The following LRRC2 variants were observed in gnomAD, a reference collection of about 807,000 sequenced individuals.
The protein encoded by LRRC2 is leucine rich repeat containing 2.
A neutral mutation model predicts 40.2 loss-of-function variants in LRRC2; 27 were observed. The observed-to-expected ratio is 0.67, with a 90% confidence interval of 0.49 to 0.93. The LOEUF (loss-of-function observed/expected upper bound fraction) is 0.93. LRRC2 is among the 40% of genes least tolerant of loss of function. The pLI, the probability that LRRC2 is intolerant of heterozygous loss-of-function variation, is 0.00. For synonymous variants in LRRC2, 147 were observed against 158.9 expected (o/e 0.92, Z 0.56); for missense variants, 402 against 439.6 (o/e 0.91, Z 0.76).
At chr3:46,531,111 A>T (rs907767352) in intron 5 of LRRC2, among the ~76,000 whole-genome samples, 3 of 152,000 alleles carry the variant, frequency 2.0e-5, no homozygotes, top group African/African-American at 7.2e-5. Flanking sequence ...AAACTGATGG[A>T]ATTAAAAGGA....
chr3:46,525,445 C>G (rs970598611), intron 7 of LRRC2, among the ~76,000 whole-genome samples: 5 of 151,796 alleles, frequency 3.3e-5, no homozygotes, highest in African/African-American at 9.7e-5. Flanking sequence ...GAGACAGTAT[C>G]TCGCTATGTT....
chr3:46,553,964 A>C (rs1235186284), intron 1 of LRRC2, among the ~76,000 whole-genome samples: 2 of 152,006 alleles, frequency 1.3e-5, no homozygotes, highest in African/African-American at 4.8e-5. Context: ...CTGATGTCTG[A>C]GACTGCCTTT....
chr3:46,559,769 G>A (rs540484995), intron 1 of LRRC2: 8 of 152,262 alleles, frequency 5.3e-5, no homozygotes, highest in Non-Finnish European at 8.8e-5. Context: ...TTTTTAAGTA[G>A]TTATAAGTCA....
chr3:46,531,254 T>G, intron 5 of LRRC2, among the ~76,000 whole-genome samples: 1 of 146,658 alleles, frequency 6.8e-6, no homozygotes, highest in African/African-American at 2.6e-5. Flanking sequence ...GTCCTGGGAG[T>G]GGGAATGGGG....
At chr3:46,556,468 T>A (rs1704797022) in intron 1 of LRRC2, among the ~76,000 whole-genome samples, 1 of 152,024 alleles carries the variant, frequency 6.6e-6, no homozygotes, top group African/African-American at 2.4e-5. Flanking sequence ...AATTATTATA[T>A]CTGGGCATGG....
At chr3:46,523,915 A>G (rs537435280) in intron 7 of LRRC2, among the ~76,000 whole-genome samples, 79 of 152,356 alleles carry the variant, frequency 5.2e-4, no homozygotes, top group Non-Finnish European at 1.0e-3. Flanking sequence ...AAGCACAATC[A>G]CAGACATTGT....
In LRRC2 at chr3:46,527,536, G is replaced by A. The variant is rs1393703472; in HGVS notation, c.819C>T (p.Thr273=). 6.2e-7 allele frequency: 1 copy of A among 1,613,964 alleles called. No homozygotes were observed. Among genetic ancestry groups the A allele is most frequent in the Non-Finnish European group, 8.5e-7 (1 of 1,179,886 alleles). Residue 273 remains threonine (T), a synonymous_variant, in exon 7 of 9, where the codon ACC becomes ACT. Coordinates refer to ENST00000395905, the MANE Select transcript of LRRC2 (RefSeq NM_024512.5). ...GGTTCAGCATGGAATAGGGAAGGTAGGTCAACTTGTTTTTATACAAGAGAA... is the reference window on the plus strand; with the variant it reads ...GGTTCAGCATGGAATAGGGAAGGTAAGTCAACTTGTTTTTATACAAGAGAA... ...QSFLLYKNKL[T]YLPYSMLNLK... is the part of the protein sequence containing the mutation.
chr3:46,552,186 G>A (rs529745508), intron 1 of LRRC2, among the ~76,000 whole-genome samples: 66 of 151,908 alleles, frequency 4.3e-4, no homozygotes, highest in Admixed American at 3.7e-3. Context: ...CAAACTTCAC[G>A]GTTCCACATT....
At chr3:46,542,585 AT>A (rs1352079141) in intron 3 of LRRC2, among the ~76,000 whole-genome samples, 1 of 152,138 alleles carries the variant, frequency 6.6e-6, no homozygotes, top group Non-Finnish European at 1.5e-5. Flanking sequence ...ACCCTGCAAA[AT>A]AAAAACAGAA....
intron 1 of LRRC2, among the ~76,000 whole-genome samples, chr3:46,551,930 A>C (rs1704665740): frequency 2.0e-5 from 3 of 152,050 alleles, no homozygotes; most frequent in African/African-American, 7.2e-5. Flanking sequence ...CCTCCCAAGC[A>C]GCTGGGACTA....
intron 2 of LRRC2, 69 bp downstream of exon 2, chr3:46,551,398 C>T (rs370756520): frequency 7.9e-5 from 123 of 1,551,552 alleles, no homozygotes; most frequent in African/African-American, 3.9e-4. Context: ...TCCTCCACAA[C>T]GCAACTGTTG....
chr3:46,528,496 A>G (rs1226362172), intron 6 of LRRC2, among the ~76,000 whole-genome samples: 1 of 152,216 alleles, frequency 6.6e-6, no homozygotes, highest in African/African-American at 2.4e-5. Context: ...ACTTTAAAAC[A>G]GGAAGGCAAC....
At chr3:46,550,886 A>T (rs1704630757) in intron 2 of LRRC2, among the ~76,000 whole-genome samples, 1 of 152,262 alleles carries the variant, frequency 6.6e-6, no homozygotes, top group South Asian at 2.1e-4. Context: ...AATTGCAGAC[A>T]TATGCAAAGC....
chr3:46,530,124 T>C, intron 5 of LRRC2, 74 bp from the exon 6 acceptor site: 1 of 1,223,362 alleles, frequency 8.2e-7, no homozygotes, highest in Non-Finnish European at 1.2e-6. Flanking sequence ...AATTTTAAGA[T>C]GGATATTTCT....
At chr3:46,552,630 A>AGG in intron 1 of LRRC2, among the ~76,000 whole-genome samples, 1 of 152,006 alleles carries the variant, frequency 6.6e-6, no homozygotes, top group Admixed American at 6.5e-5. Context: ...TCTGTTCTCC[A>AGG]GGGTAGTCTC....
chr3:46,536,211 G>A (rs1276995793), intron 4 of LRRC2, among the ~76,000 whole-genome samples: 1 of 152,198 alleles, frequency 6.6e-6, no homozygotes, highest in Non-Finnish European at 1.5e-5. Flanking sequence ...AGGAAACTTA[G>A]CGCTTACTGA....
intron 3 of LRRC2, among the ~76,000 whole-genome samples, chr3:46,543,565 G>A (rs1261728954): frequency 6.6e-6 from 1 of 151,676 alleles, no homozygotes; most frequent in African/African-American, 2.4e-5. Flanking sequence ...GCAGCGAGCT[G>A]AGATCGCACC....
intron 1 of LRRC2, among the ~76,000 whole-genome samples, chr3:46,559,858 T>C (rs1354955848): frequency 6.6e-6 from 1 of 152,212 alleles, no homozygotes; most frequent in Non-Finnish European, 1.5e-5. Flanking sequence ...CCCTGTGTTT[T>C]TAAAAAGCAG....
intron 1 of LRRC2, among the ~76,000 whole-genome samples, chr3:46,555,769 T>C (rs1704778003): frequency 6.6e-6 from 1 of 152,208 alleles, no homozygotes; most frequent in Admixed American, 6.5e-5. Context: ...ATTATATTTA[T>C]CTTGATATTT....
Sources: gnomAD v4.1 joint callset for allele counts (sites outside exome capture counted in the v4.1 genomes callset) on GRCh38, gnomAD v4.1.1 for gene constraint, MANE v1.5 for transcripts, NCBI Gene and HGNC (gene_info 2026-07-23, HGNC 2026-07-21) for gene names.